The following CAMK4 variants were observed in gnomAD, a reference collection of about 807,000 sequenced individuals.
CAMK4 encodes the protein calcium/calmodulin dependent protein kinase IV.
Under a neutral mutation model 44.9 loss-of-function variants are expected in CAMK4, and 22 were observed. The observed-to-expected ratio is 0.49, with a 90% CI of 0.35 to 0.70. The LOEUF (loss-of-function observed/expected upper bound fraction) is 0.70, where lower values mean the gene tolerates loss of function less well. CAMK4 is among the 30% of genes least tolerant of loss of function. The pLI is 0.01. For missense variants in CAMK4, 498 were observed against 586.8 expected, an observed-to-expected ratio of 0.85 and a Z score of 1.56; for synonymous variants, 218 against 215.4, an observed-to-expected ratio of 1.01 and a Z score of -0.11.
At chr5:111,329,426 G>A (rs1749056655) in intron 1 of CAMK4, among the ~76,000 whole-genome samples, 1 of 151,038 alleles carries the variant, frequency 6.6e-6, no homozygotes, top group South Asian at 2.1e-4. Context: ...TAGGAAAAGA[G>A]GAAGTCAAAT....
At chr5:111,233,325 CATCTT>C (rs1748560837) in intron 1 of CAMK4, among the ~76,000 whole-genome samples, 1 of 152,186 alleles carries the variant, frequency 6.6e-6, no homozygotes, top group African/African-American at 2.4e-5. Context: ...AATGCATACT[CATCTT>C]TTATCAAAAT....
chr5:111,314,622 C>G (rs1748342624), intron 1 of CAMK4, among the ~76,000 whole-genome samples: 1 of 151,868 alleles, frequency 6.6e-6, no homozygotes, highest in Non-Finnish European at 1.5e-5. Context: ...GCTAATGAAC[C>G]AATTAATTAG....
chr5:111,341,597 C>T (rs1193619459), intron 1 of CAMK4, among the ~76,000 whole-genome samples: 2 of 150,944 alleles, frequency 1.3e-5, no homozygotes, highest in Non-Finnish European at 3.0e-5. Context: ...CCAAGAATTA[C>T]ATGAAGAATA....
At chr5:111,481,558 G>A (rs575030854) in intron 9 of CAMK4, among the ~76,000 whole-genome samples, 1 of 152,232 alleles carries the variant, frequency 6.6e-6, no homozygotes, top group African/African-American at 2.4e-5. Context: ...CTATGTTCAC[G>A]TCTCCTTAGG....
rs74801384 is a variant in CAMK4, at chr5:111,276,727, A to G, written c.161+52083A>G. On this transcript the variant is annotated intron_variant, in intron 1 of 10. Transcript: ENST00000282356. ...TTTGGGGTGGGATAGGGGTGCTTCTATGAATTCTTACTCTGTCATTTTGAT... is the reference window on the plus strand; with the variant it reads ...TTTGGGGTGGGATAGGGGTGCTTCTGTGAATTCTTACTCTGTCATTTTGAT... Among the ~76,000 whole-genome samples the G allele has an allele frequency of 3.6e-3, 542 of 152,222 alleles. 5 individuals carry two copies. Among genetic ancestry groups the G allele is most frequent in the African/African-American group, 0.012 (493 of 41,520 alleles).
intron 5 of CAMK4, among the ~76,000 whole-genome samples, chr5:111,422,590 C>T (rs1376447141): frequency 6.6e-6 from 1 of 152,114 alleles, no homozygotes; most frequent in Non-Finnish European, 1.5e-5. Context: ...GATAATTTTC[C>T]TAATTTGTCT....
At chr5:111,469,162 AAAAAAAAAAAATATATATATAT>A (rs1466182992) in intron 7 of CAMK4, among the ~76,000 whole-genome samples, 70 of 73,406 alleles carry the variant, frequency 9.5e-4, no homozygotes, top group Non-Finnish European at 1.7e-3. Flanking sequence ...AAAAAAAAAA[AAAAAAAAAAAATATATATATAT>A]ATATATATAT....
At chr5:111,407,216 C>T (rs573153068) in intron 5 of CAMK4, among the ~76,000 whole-genome samples, 7 of 151,878 alleles carry the variant, frequency 4.6e-5, no homozygotes, top group South Asian at 2.1e-4. Flanking sequence ...CTGGGCATGA[C>T]GGCAGCCACC....
At chr5:111,367,453 T>A (rs985501184) in intron 2 of CAMK4, among the ~76,000 whole-genome samples, 1 of 152,050 alleles carries the variant, frequency 6.6e-6, no homozygotes. Flanking sequence ...TGCATTCAAA[T>A]CATAGCACCT....
chr5:111,376,700 G>C (rs1329513140), intron 3 of CAMK4, among the ~76,000 whole-genome samples, 160 bp from the exon 4 acceptor site: 1 of 152,078 alleles, frequency 6.6e-6, no homozygotes, highest in Admixed American at 6.6e-5. Context: ...CCCAGAAAGA[G>C]AGTGAGAAAT....
At chr5:111,339,233 T>C (rs990927332) in intron 1 of CAMK4, among the ~76,000 whole-genome samples, 1 of 151,382 alleles carries the variant, frequency 6.6e-6, no homozygotes, top group African/African-American at 2.4e-5. Flanking sequence ...TCTAGTTTGA[T>C]ATAATTTCAG....
intron 1 of CAMK4, among the ~76,000 whole-genome samples, chr5:111,311,032 C>T (rs1748181167): frequency 1.3e-5 from 2 of 152,064 alleles, no homozygotes; most frequent in South Asian, 2.1e-4. Flanking sequence ...AGCTTCTTAA[C>T]TAGTGGAGCT....
At chr5:111,462,654 CA>C (rs1275901700) in intron 7 of CAMK4, among the ~76,000 whole-genome samples, 3 of 152,176 alleles carry the variant, frequency 2.0e-5, no homozygotes, top group African/African-American at 7.2e-5. Flanking sequence ...TCAACTAGGG[CA>C]TTGACAAAAT....
chr5:111,402,643 T>G (rs1703070413), intron 5 of CAMK4, among the ~76,000 whole-genome samples: 1 of 152,222 alleles, frequency 6.6e-6, no homozygotes, highest in African/African-American at 2.4e-5. Flanking sequence ...CCTCCTAGCC[T>G]CCCTTGCAGC....
intron 5 of CAMK4, among the ~76,000 whole-genome samples, chr5:111,405,247 A>G (rs537009363): frequency 9.8e-5 from 15 of 152,330 alleles, no homozygotes; most frequent in Admixed American, 3.9e-4. Context: ...AGGCGGGCGG[A>G]TCACAAGGTC....
intron 5 of CAMK4, among the ~76,000 whole-genome samples, chr5:111,397,477 C>T (rs1752062475): frequency 6.6e-6 from 1 of 152,144 alleles, no homozygotes; most frequent in East Asian, 1.9e-4. Flanking sequence ...TAATATTATA[C>T]TCATTGATCT....
chr5:111,431,206 A>T (rs1166311090), intron 5 of CAMK4, among the ~76,000 whole-genome samples: 1 of 152,172 alleles, frequency 6.6e-6, no homozygotes, highest in Non-Finnish European at 1.5e-5. Flanking sequence ...AAACAAATCT[A>T]TACACCTACA....
chr5:111,286,643 T>G (rs948926725), intron 1 of CAMK4, among the ~76,000 whole-genome samples: 4 of 152,184 alleles, frequency 2.6e-5, no homozygotes, highest in Admixed American at 2.6e-4. Flanking sequence ...TATCTAACAG[T>G]GATCAAAAAG....
chr5:111,473,440 T>C, intron 8 of CAMK4, 54 bp downstream of exon 8: 1 of 1,095,430 alleles, frequency 9.1e-7, no homozygotes, highest in Non-Finnish European at 1.4e-6. Flanking sequence ...TGTGACATTT[T>C]CTAGATACCT....
Sources: allele counts gnomAD v4.1 joint callset (sites outside exome capture counted in the v4.1 genomes callset), GRCh38; gene constraint gnomAD v4.1.1; transcripts MANE v1.5; gene names NCBI Gene and HGNC (gene_info 2026-07-23, HGNC 2026-07-21).